The following B4GALNT3 variants were observed in gnomAD, a reference collection of about 807,000 sequenced individuals.
B4GALNT3 encodes beta-1,4-N-acetylgalactosaminyltransferase 3.
Under a neutral mutation model 120.2 loss-of-function variants are expected in B4GALNT3, and 86 were observed. The observed-to-expected ratio is 0.72, with a 90% CI of 0.60 to 0.86. The LOEUF is 0.86. Among genes scored for constraint, B4GALNT3 ranks in the 40% least tolerant of loss-of-function variants. The pLI, the probability that B4GALNT3 is intolerant of heterozygous loss-of-function variation, is 0.00. For missense variants in B4GALNT3, 1,167 were observed against 1,298.9 expected (o/e 0.90, Z 1.56); for synonymous variants, 518 against 510.4 (o/e 1.01, Z -0.20).
At chr12:475,703 G>A (rs1946178158) in intron 1 of B4GALNT3, among the ~76,000 whole-genome samples, 1 of 152,104 alleles carries the variant, frequency 6.6e-6, no homozygotes, top group Non-Finnish European at 1.5e-5. Flanking sequence ...CGTTCTTTCT[G>A]GAACTTGTGT....
chr12:509,267 A>G (rs961508506), intron 1 of B4GALNT3, among the ~76,000 whole-genome samples: 1 of 152,234 alleles, frequency 6.6e-6, no homozygotes, highest in African/African-American at 2.4e-5. Flanking sequence ...TTAACAGCTG[A>G]CAAGTGCTCT....
intron 3 of B4GALNT3, chr12:543,186 G>A (rs1378163817): frequency 1.6e-6 from 2 of 1,289,558 alleles, no homozygotes; most frequent in East Asian, 5.5e-5. Flanking sequence ...GCCAGGCCAT[G>A]GGGTGAACAT....
intron 1 of B4GALNT3, among the ~76,000 whole-genome samples, chr12:506,860 T>C (rs954243331): frequency 6.6e-6 from 1 of 152,174 alleles, no homozygotes; most frequent in African/African-American, 2.4e-5. Context: ...ATGGTCTCGA[T>C]CTCCTGACCT....
At chr12:500,865 C>CCTTTTTTTTTTTTTTTTT (rs2043817132) in intron 1 of B4GALNT3, among the ~76,000 whole-genome samples, 8 of 61,830 alleles carry the variant, frequency 1.3e-4, no homozygotes, top group African/African-American at 6.0e-4. Context: ...GGCTCCACTG[C>CCTTTTTTTTTTTTTTTTT]TTTTTTTTTT....
At chr12:504,486 G>A (rs185880524) in intron 1 of B4GALNT3, among the ~76,000 whole-genome samples, 9 of 148,044 alleles carry the variant, frequency 6.1e-5, no homozygotes, top group Non-Finnish European at 1.2e-4. Context: ...CTGAGATGGC[G>A]TCTCACTCTG....
At position 549,917 on chromosome 12, in the gene B4GALNT3, G is replaced by A; in HGVS notation, c.997+5G>A. ...CCCGGGACACCCTCTATCGAGGTAAGGCCTCGGCCAGCGCTTGGCGTCCTT... is the reference window on the plus strand; with the variant it reads ...CCCGGGACACCCTCTATCGAGGTAAAGCCTCGGCCAGCGCTTGGCGTCCTT... On this transcript the variant is annotated splice_donor_5th_base_variant and intron_variant, in intron 10 of 19. Coordinates refer to ENST00000266383, the MANE Select transcript of B4GALNT3 (RefSeq NM_173593.4). The A allele has an allele frequency of 6.2e-7, 1 of 1,609,130 alleles. No individual in the cohort carries two copies. Among genetic ancestry groups the A allele is most frequent in the East Asian group, 2.2e-5 (1 of 44,662 alleles).
At chr12:475,860 C>G (rs1369838439) in intron 1 of B4GALNT3, among the ~76,000 whole-genome samples, 1 of 152,196 alleles carries the variant, frequency 6.6e-6, no homozygotes, top group South Asian at 2.1e-4. Context: ...TTGCTTCACT[C>G]TCCCCACAGC....
chr12:555,273 A>T, intron 14 of B4GALNT3: 2 of 448,178 alleles, frequency 4.5e-6, no homozygotes, highest in South Asian at 3.1e-5. Context: ...TCTGGCAATA[A>T]CTACTTTCCT....
chr12:511,336 C>G (rs1565597775), intron 1 of B4GALNT3, among the ~76,000 whole-genome samples: 1,681 of 125,348 alleles, frequency 0.013, 74 homozygotes, highest in Middle Eastern at 0.02. Flanking sequence ...CCACCTTCCA[C>G]CTTCCTTCCA....
intron 13 of B4GALNT3, 130 bp from the exon 14 acceptor site, chr12:553,064 T>A: frequency 7.4e-7 from 1 of 1,350,556 alleles, no homozygotes; most frequent in East Asian, 2.3e-5. Context: ...CAGTAAGCGA[T>A]AGAACCTGGA....
At chr12:543,291 C>T in intron 3 of B4GALNT3, 1 of 1,070,122 alleles carries the variant, frequency 9.3e-7, no homozygotes, top group Non-Finnish European at 1.3e-6. Context: ...CGGCCCCTTT[C>T]TGCCCAGCCT....
chr12:474,387 C>T (rs1565588130), intron 1 of B4GALNT3, among the ~76,000 whole-genome samples: 1 of 152,226 alleles, frequency 6.6e-6, no homozygotes, highest in Non-Finnish European at 1.5e-5. Context: ...CACTTATCAA[C>T]CTTAGCATTG....
chr12:462,041 C>G (rs1296182457), intron 1 of B4GALNT3, among the ~76,000 whole-genome samples: 1 of 152,148 alleles, frequency 6.6e-6, no homozygotes, highest in East Asian at 1.9e-4. Context: ...GCCACGACTC[C>G]AAGCAGCAGA....
intron 19 of B4GALNT3, among the ~76,000 whole-genome samples, chr12:559,897 G>A (rs1362668893): frequency 6.6e-6 from 1 of 152,124 alleles, no homozygotes; most frequent in Non-Finnish European, 1.5e-5. Context: ...AAGGGCAAGA[G>A]GACATCCAGG....
Position 545,407 on chromosome 12 carries a change from G to A in B4GALNT3, c.577G>A (p.Glu193Lys). Reference protein sequence around the residue: ...QFAIAADDNAEFWLSLDDQVS... With the variant: ...QFAIAADDNAKFWLSLDDQVS... ...TGCCATTGCTGCAGATGACAACGCG[G>A]AGTTCTGGCTGAGCCTCGATGACCA... The change falls in exon 6 of 20, where the codon GAG becomes AAG. Residue 193 changes from glutamate (E) to lysine (K), a missense_variant. Around this residue, in one of 3 missense-constraint regions of B4GALNT3, gnomAD observed 983 missense variants for 1,102.5 expected, o/e 0.89. Transcript: ENST00000266383. 1 of 1,612,126 alleles carries A rather than the reference G, an allele frequency of 6.2e-7. No individual in the cohort carries two copies. Among genetic ancestry groups the A allele is most frequent in the East Asian group, 2.2e-5 (1 of 44,854 alleles).
intron 1 of B4GALNT3, among the ~76,000 whole-genome samples, chr12:505,527 A>G (rs560524486): frequency 7.5e-4 from 114 of 152,306 alleles, no homozygotes; most frequent in African/African-American, 2.6e-3. Context: ...GAAACCTGAA[A>G]TCAAGAATTG....
At chr12:495,155 A>G (rs536456806) in intron 1 of B4GALNT3, among the ~76,000 whole-genome samples, 1 of 152,368 alleles carries the variant, frequency 6.6e-6, no homozygotes, top group African/African-American at 2.4e-5. Flanking sequence ...ACAGAAGCTC[A>G]GAAAGGTTAA....
intron 13 of B4GALNT3, 41 bp from the exon 14 acceptor site, chr12:553,153 T>G: frequency 6.3e-7 from 1 of 1,597,236 alleles, no homozygotes; most frequent in Non-Finnish European, 8.6e-7. Flanking sequence ...TGGAAAGGGT[T>G]GGAAACTCTT....
chr12:538,522 G>A (rs1364638454), intron 3 of B4GALNT3, among the ~76,000 whole-genome samples: 2 of 139,566 alleles, frequency 1.4e-5, no homozygotes, highest in African/African-American at 5.5e-5. Flanking sequence ...TTGTGCCACT[G>A]CACTCCAGCC....
Sources: gnomAD v4.1 joint callset for allele counts (sites outside exome capture counted in the v4.1 genomes callset) on GRCh38, gnomAD v4.1.1 for gene constraint, gnomAD v4.1.1 regional missense constraint, MANE v1.5 for transcripts, NCBI Gene and HGNC (gene_info 2026-07-23, HGNC 2026-07-21) for gene names.